Variants in DUSP18 observed in about 807,000 individuals in gnomAD.
DUSP18 encodes dual specificity phosphatase 18, also known as dual specificity protein phosphatase 18.
Under a neutral mutation model 6.3 loss-of-function variants are expected in DUSP18, and 4 were observed. That is an observed-to-expected ratio of 0.63 (90% CI 0.31 to 1.45). DUSP18 has a LOEUF of 1.45. DUSP18 is among the 40% of genes most tolerant of loss of function. The probability of loss-of-function intolerance (pLI) is 0.07; values close to 1 mark genes in which losing one functional copy is unlikely to be tolerated. For missense variants in DUSP18, 235 were observed against 247.7 expected, an observed-to-expected ratio of 0.95 and a Z score of 0.34; for synonymous variants, 96 against 95.1, an observed-to-expected ratio of 1.01 and a Z score of -0.05.
In DUSP18 at chr22:30,664,050, C is replaced by A. The variant is rs1193600319; in HGVS notation, c.-47G>T. On this transcript the variant is annotated 5_prime_UTR_variant, in exon 2 of 2. Coordinates refer to ENST00000334679, the MANE Select transcript of DUSP18 (RefSeq NM_152511.5). Reference sequence around the variant, plus strand: ...AGCAGTCAGCGAAGCACGAAGGCTGCGTCTTTCTGCTAGGCTGTGTCCATG... The same window carrying A: ...AGCAGTCAGCGAAGCACGAAGGCTGAGTCTTTCTGCTAGGCTGTGTCCATG... 4 of 1,526,218 alleles carry A rather than the reference C, an allele frequency of 2.6e-6. No homozygotes were observed. The highest frequency in any genetic ancestry group is 1.9e-5 in the Admixed American group (1 of 52,206). The allele number at this position is 1,526,218 out of a possible 1,614,324, so 94.5% of individuals were successfully genotyped here. A position where few individuals can be genotyped will look rare whatever the true frequency, so the allele number is the denominator to read the frequency against.
At chr22:30,667,159 C>A (rs2088703952) in intron 1 of DUSP18, 1 of 152,116 alleles carries the variant, frequency 6.6e-6, no homozygotes, top group African/African-American at 2.4e-5. Flanking sequence ...CTAATCAGAC[C>A]GGCGTCTAGA....
At position 30,663,734 on chromosome 22, in the gene DUSP18, G is replaced by C; in HGVS notation, c.270C>G (p.Ile90Met). 6.2e-7 allele frequency: 1 copy of C among 1,614,054 alleles called. No individual in the cohort carries two copies. Among genetic ancestry groups the C allele is most frequent in the Non-Finnish European group, 8.5e-7 (1 of 1,180,050 alleles). ...CDFFDPIADH[I>M]HSVEMKQGRT... is the part of the protein sequence containing the mutation. ...GGCCCTGCTTCATCTCCACGCTGTGGATATGGTCAGCAATAGGGTCAAAGA... is the reference window on the plus strand; with the variant it reads ...GGCCCTGCTTCATCTCCACGCTGTGCATATGGTCAGCAATAGGGTCAAAGA... Residue 90 changes from isoleucine (I) to methionine (M), a missense_variant, in exon 2 of 2, where the codon ATC becomes ATG. By Grantham distance (10) the Ile-to-Met change is conservative. Transcript: ENST00000334679.
chr22:30,660,541 T>C (rs1002481254), downstream of DUSP18, among the ~76,000 whole-genome samples: 2 of 152,198 alleles, frequency 1.3e-5, no homozygotes, highest in South Asian at 2.1e-4. Flanking sequence ...CTAACATTCA[T>C]GTTATCAATG....
chr22:30,656,157 T>C (rs764716113), intron 2 of DUSP18, among the ~76,000 whole-genome samples: 4 of 151,842 alleles, frequency 2.6e-5, no homozygotes, highest in Admixed American at 2.0e-4. Context: ...TTAAACTTTT[T>C]GTAGAGAAGG....
rs1198827217 is a variant in DUSP18 at position 30,663,905 on chromosome 22, C to A, written c.99G>T (p.Val33=). 6.2e-7 allele frequency: 1 copy of A among 1,614,202 alleles called. No homozygotes were observed. The highest frequency in any genetic ancestry group is 8.5e-7 in the Non-Finnish European group (1 of 1,180,040). Reference sequence around the variant, plus strand: ...ACAGCATGAGCTTGTTGTTGGCGGCCACACCATTGCTGATATACAGGCTTT... The same window carrying A: ...ACAGCATGAGCTTGTTGTTGGCGGCAACACCATTGCTGATATACAGGCTTT... ...ITKSLYISNG[V]AANNKLMLSS... is the part of the protein sequence containing the mutation. The change falls in exon 2 of 2, where the codon GTG becomes GTT. Residue 33 remains valine, a synonymous_variant. Transcript: ENST00000334679.
At chr22:30,655,429 CAAAAAAAAA>C (rs5844917) in intron 2 of DUSP18, among the ~76,000 whole-genome samples, 4 of 111,678 alleles carry the variant, frequency 3.6e-5, no homozygotes, top group African/African-American at 1.5e-4. Flanking sequence ...GAGATCCTAC[CAAAAAAAAA>C]AAAAAAAAAA....
chr22:30,659,775 T>C (rs2088422230), downstream of DUSP18, among the ~76,000 whole-genome samples: 1 of 152,234 alleles, frequency 6.6e-6, no homozygotes, highest in Non-Finnish European at 1.5e-5. Context: ...ATGTAACTTA[T>C]GCAGATGTAA....
chr22:30,666,621 CAAAAAAAAAAAA>C (rs55979351), intron 1 of DUSP18, among the ~76,000 whole-genome samples: 1 of 62,498 alleles, frequency 1.6e-5, no homozygotes, highest in Non-Finnish European at 2.6e-5. Flanking sequence ...GACTCCATCT[CAAAAAAAAAAAA>C]AAAAAAAAAA....
At chr22:30,666,723 G>A (rs1360494281) in intron 1 of DUSP18, 1 of 151,550 alleles carries the variant, frequency 6.6e-6, no homozygotes, top group African/African-American at 2.4e-5. Context: ...TTTTCTCAGG[G>A]AGCTCAAAGA....
intron 2 of DUSP18, chr22:30,654,495 TA>T (rs938407828): frequency 1.6e-5 from 7 of 434,566 alleles, no homozygotes; most frequent in Non-Finnish European, 2.3e-5. Flanking sequence ...GGGATGCCGT[TA>T]AACACCTTGA....
downstream of DUSP18, among the ~76,000 whole-genome samples, chr22:30,658,500 A>C (rs2088393041): frequency 1.3e-5 from 2 of 152,046 alleles, no homozygotes; most frequent in Admixed American, 1.3e-4. Flanking sequence ...GAAAAGTAGA[A>C]GAGGGGAATC....
chr22:30,655,032 G>C (rs1394164396), intron 2 of DUSP18, among the ~76,000 whole-genome samples: 2 of 152,054 alleles, frequency 1.3e-5, no homozygotes, highest in Non-Finnish European at 2.9e-5. Context: ...GTAGGATTAG[G>C]ACTTCACCCT....
chr22:30,657,158 G>C (rs2088354148), downstream of DUSP18, among the ~76,000 whole-genome samples: 1 of 152,000 alleles, frequency 6.6e-6, no homozygotes, highest in Admixed American at 6.6e-5. Flanking sequence ...TTCTGGGCTG[G>C]GTGCAGTGGC....
chr22:30,659,612 T>C (rs2088419585), downstream of DUSP18, among the ~76,000 whole-genome samples: 1 of 152,130 alleles, frequency 6.6e-6, no homozygotes, highest in Non-Finnish European at 1.5e-5. Flanking sequence ...CCTCAGGTGA[T>C]CCACCAGCCT....
intron 2 of DUSP18, among the ~76,000 whole-genome samples, chr22:30,655,507 CTT>C (rs113225590): frequency 1.4e-5 from 2 of 145,848 alleles, no homozygotes. Flanking sequence ...ACAAAATATC[CTT>C]TTTTTTTTTC....
At position 30,663,700 on chromosome 22, in the gene DUSP18, G is replaced by C; in HGVS notation, c.304C>G (p.Leu102Val). 5.6e-6 allele frequency: 9 copies of C among 1,614,260 alleles called. No individual in the cohort carries two copies. Among genetic ancestry groups the C allele is most frequent in the Non-Finnish European group, 7.6e-6 (9 of 1,180,046 alleles). The change falls in exon 2 of 2, where the codon CTG becomes GTG. Residue 102 changes from leucine to valine, a missense_variant. Coordinates refer to ENST00000334679, the MANE Select transcript of DUSP18 (RefSeq NM_152511.5). ...SVEMKQGRTL[L>V]HCAAGVSRSA... The stretch of plus-strand genomic sequence containing the variant: ...CGGCTCACACCAGCAGCACAGTGCA[G>C]CAAAGTACGGCCCTGCTTCATCTCC...
chr22:30,653,783 G>C (rs1310233595), intron 2 of DUSP18: 1 of 152,098 alleles, frequency 6.6e-6, no homozygotes, highest in Non-Finnish European at 1.5e-5. Flanking sequence ...TGTTAGGCTG[G>C]AGCCCAAAAT....
rs1314428676 is a variant in DUSP18, at chr22:30,662,342, G to C, written c.*1095C>G. On this transcript the variant is annotated 3_prime_UTR_variant, in exon 2 of 2. Transcript: ENST00000334679. ...CATCACATGAAGAGGAGGTGACAGG[G>C]CTGGGCCTTGGTCCGAAGCTCCAGC... 1.3e-5 allele frequency: 2 copies of C among 152,202 alleles called. No individual in the cohort carries two copies. The highest frequency in any genetic ancestry group is 2.9e-5 in the Non-Finnish European group (2 of 68,030). The allele number at this position is 152,202 out of a possible 1,614,324, so 9.4% of individuals were successfully genotyped here. A position where few individuals can be genotyped will look rare whatever the true frequency, so the allele number is the denominator to read the frequency against.
chr22:30,666,973 G>C (rs1367836318), intron 1 of DUSP18: 1 of 152,186 alleles, frequency 6.6e-6, no homozygotes, highest in African/African-American at 2.4e-5. Context: ...ATTTCTTCCA[G>C]GTCGGAGCCT....
Sources: gnomAD v4.1 joint callset for allele counts (sites outside exome capture counted in the v4.1 genomes callset) on GRCh38, gnomAD v4.1.1 for gene constraint, MANE v1.5 for transcripts, NCBI Gene and HGNC (gene_info 2026-07-23, HGNC 2026-07-21) for gene names.